The following HNF1B variants were observed in gnomAD, a reference collection of about 807,000 sequenced individuals.
HNF1B encodes HNF1 homeobox B, also known as hepatocyte nuclear factor 1-beta.
A neutral mutation model predicts 61.7 loss-of-function variants in HNF1B; 8 were observed. The observed-to-expected ratio is 0.13, with a 90% CI of 0.08 to 0.23. HNF1B has a LOEUF of 0.23. HNF1B is among the 10% of genes least tolerant of loss of function. HNF1B has a pLI of 1.00. For synonymous variants in HNF1B, 314 were observed against 287.7 expected (o/e 1.09, Z -0.93); for missense variants, 562 against 714.5 (o/e 0.79, Z 2.43).
intron 2 of HNF1B, among the ~76,000 whole-genome samples, chr17:37,736,489 C>T (rs1301070789): frequency 6.6e-6 from 1 of 152,130 alleles, no homozygotes; most frequent in Non-Finnish European, 1.5e-5. Flanking sequence ...AGTGACTTGT[C>T]CAAAGTCATG....
At chr17:37,690,783 T>G (rs2032174203) in intron 8 of HNF1B, among the ~76,000 whole-genome samples, 2 of 152,204 alleles carry the variant, frequency 1.3e-5, no homozygotes, top group East Asian at 3.8e-4. Flanking sequence ...GCACGTTGAA[T>G]TCAAGAGGCT....
chr17:37,740,117 C>A (rs2033951568), intron 1 of HNF1B, among the ~76,000 whole-genome samples: 1 of 152,070 alleles, frequency 6.6e-6, no homozygotes, highest in African/African-American at 2.4e-5. Flanking sequence ...TATAGATGCC[C>A]AGCACCACAC....
intron 7 of HNF1B, 22 bp downstream of exon 7, chr17:37,700,961 C>T (rs2032546205): frequency 6.4e-7 from 1 of 1,550,508 alleles, no homozygotes; most frequent in Non-Finnish European, 8.7e-7. Flanking sequence ...TGCTCCCTCC[C>T]TCCACATGCC....
At chr17:37,733,021 G>A (rs2033734500) in intron 3 of HNF1B, among the ~76,000 whole-genome samples, 1 of 152,084 alleles carries the variant, frequency 6.6e-6, no homozygotes, top group African/African-American at 2.4e-5. Flanking sequence ...AGTCAGCGGG[G>A]GCAGAGTGGA....
At chr17:37,695,239 C>G (rs1240331342) in intron 8 of HNF1B, among the ~76,000 whole-genome samples, 2 of 152,230 alleles carry the variant, frequency 1.3e-5, no homozygotes, top group Non-Finnish European at 2.9e-5. Context: ...CCAGGTACAG[C>G]TCAGACCACC....
At chr17:37,716,712 T>A (rs2033126190) in intron 4 of HNF1B, among the ~76,000 whole-genome samples, 1 of 152,180 alleles carries the variant, frequency 6.6e-6, no homozygotes, top group African/African-American at 2.4e-5. Flanking sequence ...CAGAAACCTG[T>A]GCTTCAGGGC....
chr17:37,735,196 C>G (rs1179293977), intron 2 of HNF1B, among the ~76,000 whole-genome samples: 1 of 152,154 alleles, frequency 6.6e-6, no homozygotes, highest in East Asian at 1.9e-4. Flanking sequence ...ATTTACATGC[C>G]ATCCTTCCTG....
Position 37,733,757 on chromosome 17 carries a change from C to T in HNF1B, c.609G>A (p.Leu203=). The change falls in exon 3 of 9, where the codon CTG becomes CTA. Residue 203 remains leucine, a synonymous_variant. Transcript: ENST00000617811. ...GTTGACTGAACTCTGGAAAGAGAAA[C>T]AGCAGCTGATCCTGACTGCTTTTGT... ...MTDKSSQDQL[L]FLFPEFSQQS... is the part of the protein sequence containing the mutation. 1.2e-6 allele frequency: 2 copies of T among 1,614,230 alleles called. No individual in the cohort carries two copies. Among genetic ancestry groups the T allele is most frequent in the South Asian group, 1.1e-5 (1 of 91,080 alleles).
At chr17:37,702,452 C>T (rs992918515) in intron 6 of HNF1B, among the ~76,000 whole-genome samples, 1 of 152,136 alleles carries the variant, frequency 6.6e-6, no homozygotes, top group South Asian at 2.1e-4. Context: ...CTCAGAACAG[C>T]ACTGTCTCCA....
At chr17:37,731,885 G>A (rs2033699735) in intron 3 of HNF1B, 55 bp from the exon 4 acceptor site, 3 of 1,200,794 alleles carry the variant, frequency 2.5e-6, no homozygotes, top group Non-Finnish European at 3.6e-6. Flanking sequence ...GGACTTGTTG[G>A]TGCTTGGCCA....
chr17:37,744,108 C>A (rs1416233899), intron 1 of HNF1B, among the ~76,000 whole-genome samples: 1 of 152,246 alleles, frequency 6.6e-6, no homozygotes, highest in African/African-American at 2.4e-5. Flanking sequence ...GGCCGACATG[C>A]GGCTTTCCAG....
At chr17:37,705,935 A>G (rs1054461868) in intron 5 of HNF1B, among the ~76,000 whole-genome samples, 4 of 152,192 alleles carry the variant, frequency 2.6e-5, no homozygotes, top group African/African-American at 9.7e-5. Context: ...ATGATACATT[A>G]GTTTACTACT....
At chr17:37,743,334 CAGG>C (rs1190641353) in intron 1 of HNF1B, among the ~76,000 whole-genome samples, 3 of 152,242 alleles carry the variant, frequency 2.0e-5, no homozygotes, top group East Asian at 1.9e-4. Context: ...AACTCTCTTG[CAGG>C]AGTTCTCTCC....
intron 4 of HNF1B, among the ~76,000 whole-genome samples, chr17:37,719,519 T>C (rs2033236915): frequency 6.6e-6 from 1 of 152,238 alleles, no homozygotes; most frequent in South Asian, 2.1e-4. Flanking sequence ...TGGACATCGT[T>C]AGGCCTAAAG....
intron 1 of HNF1B, among the ~76,000 whole-genome samples, chr17:37,743,378 G>C (rs2034060891): frequency 6.6e-6 from 1 of 152,276 alleles, no homozygotes; most frequent in South Asian, 2.1e-4. Context: ...CCGGGCGGGA[G>C]AGCGACGAGG....
At chr17:37,711,827 G>A (rs572533428) in intron 4 of HNF1B, among the ~76,000 whole-genome samples, 1 of 152,306 alleles carries the variant, frequency 6.6e-6, no homozygotes, top group Non-Finnish European at 1.5e-5. Flanking sequence ...AGTTTCCCAA[G>A]ATGAACCATC....
At chr17:37,705,759 A>G (rs558117935) in intron 5 of HNF1B, among the ~76,000 whole-genome samples, 1 of 152,226 alleles carries the variant, frequency 6.6e-6, no homozygotes, top group East Asian at 1.9e-4. Context: ...ATATGTCTAC[A>G]TGTCCTATTA....
chr17:37,719,536 G>C (rs768447916), intron 4 of HNF1B, among the ~76,000 whole-genome samples: 50 of 152,242 alleles, frequency 3.3e-4, no homozygotes, highest in Non-Finnish European at 5.3e-4. Context: ...AAAGGCTGTG[G>C]GGACACAGAG....
At chr17:37,743,819 C>G (rs2034076879) in intron 1 of HNF1B, among the ~76,000 whole-genome samples, 1 of 152,244 alleles carries the variant, frequency 6.6e-6, no homozygotes, top group South Asian at 2.1e-4. Context: ...CTTTCTCAGA[C>G]TGAGACCAGA....
Sources: gnomAD v4.1 joint callset for allele counts (sites outside exome capture counted in the v4.1 genomes callset) on GRCh38, gnomAD v4.1.1 for gene constraint, MANE v1.5 for transcripts, NCBI Gene and HGNC (gene_info 2026-07-23, HGNC 2026-07-21) for gene names.